PRMT3: variants seen among roughly 807,000 people sequenced by gnomAD.
The protein encoded by PRMT3 is protein arginine N-methyltransferase 3.
A neutral mutation model predicts 71.9 loss-of-function variants in PRMT3; 62 were observed. The observed-to-expected ratio is 0.86, with a 90% CI of 0.70 to 1.07. The LOEUF is 1.07. PRMT3 is among the 50% of genes least tolerant of loss of function. PRMT3 has a pLI of 0.00. For synonymous variants in PRMT3, 213 were observed against 220.4 expected (o/e 0.97, Z 0.30); for missense variants, 663 against 643.0 (o/e 1.03, Z -0.34).
intron 13 of PRMT3, among the ~76,000 whole-genome samples, chr11:20,477,050 C>G (rs985424238): frequency 6.6e-6 from 1 of 152,108 alleles, no homozygotes; most frequent in Non-Finnish European, 1.5e-5. Flanking sequence ...AAGATCAAGC[C>G]CTTCCCTGTG....
chr11:20,464,531 G>A lies in PRMT3; in HGVS notation c.1332G>A (p.Arg444=). 6.2e-7 allele frequency: 1 copy of A among 1,612,030 alleles called. No homozygotes were observed. Among genetic ancestry groups the A allele is most frequent in the Non-Finnish European group, 8.5e-7 (1 of 1,179,118 alleles). ...CAGATTTTACCCTGAAAATCACAAGGACATCCATGTGCACGGTAAGCTATT... is the reference window on the plus strand; with the variant it reads ...CAGATTTTACCCTGAAAATCACAAGAACATCCATGTGCACGGTAAGCTATT... ...FSSDFTLKIT[R]TSMCTAIAGY... is the part of the protein sequence containing the mutation. Residue 444 remains arginine, a synonymous_variant, in exon 13 of 16, where the codon AGG becomes AGA. Transcript: ENST00000331079.
At chr11:20,439,707 A>G (rs531315431) in intron 10 of PRMT3, among the ~76,000 whole-genome samples, 32 of 152,346 alleles carry the variant, frequency 2.1e-4, no homozygotes, top group Admixed American at 3.3e-4. Context: ...AAAGATGTCA[A>G]TTCTCTTCAT....
At chr11:20,492,094 T>C (rs887509126) in intron 13 of PRMT3, among the ~76,000 whole-genome samples, 3 of 152,188 alleles carry the variant, frequency 2.0e-5, no homozygotes, top group Non-Finnish European at 4.4e-5. Flanking sequence ...ACATATGCCT[T>C]GCTCTTAAAT....
chr11:20,497,174 T>A (rs1237168009), intron 15 of PRMT3, among the ~76,000 whole-genome samples: 1 of 143,904 alleles, frequency 6.9e-6, no homozygotes, highest in African/African-American at 2.6e-5. Context: ...AATTTTCTCC[T>A]ACTTCATTAC....
intron 10 of PRMT3, among the ~76,000 whole-genome samples, chr11:20,434,300 A>C (rs1202781439): frequency 6.6e-6 from 1 of 152,176 alleles, no homozygotes; most frequent in Non-Finnish European, 1.5e-5. Context: ...CATAGTTTGC[A>C]AATATTTTCT....
At chr11:20,435,845 T>C (rs1403684214) in intron 10 of PRMT3, among the ~76,000 whole-genome samples, 2 of 152,204 alleles carry the variant, frequency 1.3e-5, no homozygotes, top group South Asian at 2.1e-4. Flanking sequence ...AGTTTTAGGG[T>C]TGTTTATTTC....
At chr11:20,491,958 T>C (rs939632052) in intron 13 of PRMT3, among the ~76,000 whole-genome samples, 6 of 152,172 alleles carry the variant, frequency 3.9e-5, no homozygotes, top group African/African-American at 1.2e-4. Flanking sequence ...TTTAATAAAG[T>C]ATACTGACTA....
chr11:20,401,336 A>G (rs905754332), intron 7 of PRMT3, among the ~76,000 whole-genome samples: 2 of 152,146 alleles, frequency 1.3e-5, no homozygotes, highest in African/African-American at 4.8e-5. Flanking sequence ...ATGAAACGGT[A>G]TGCTTTGAAA....
At chr11:20,452,289 G>T (rs1850168191) in intron 11 of PRMT3, 81 bp downstream of exon 11, 5 of 1,124,318 alleles carry the variant, frequency 4.4e-6, no homozygotes, top group South Asian at 3.9e-5. Context: ...AATAAACTAT[G>T]CATGGCTGAG....
intron 8 of PRMT3, chr11:20,405,693 C>G (rs978201258): frequency 2.0e-5 from 3 of 152,140 alleles, no homozygotes; most frequent in Non-Finnish European, 4.4e-5. Flanking sequence ...AAAACACATA[C>G]TCTTATTGGA....
chr11:20,444,620 A>G (rs942955711), intron 10 of PRMT3, among the ~76,000 whole-genome samples: 5 of 152,126 alleles, frequency 3.3e-5, no homozygotes, highest in African/African-American at 7.2e-5. Flanking sequence ...AACATGCTCT[A>G]TATGCTATCA....
At chr11:20,427,893 T>A (rs1849581945) in intron 10 of PRMT3, among the ~76,000 whole-genome samples, 1 of 152,190 alleles carries the variant, frequency 6.6e-6, no homozygotes, top group African/African-American at 2.4e-5. Context: ...CAAAAAATTT[T>A]GAAAACATTG....
In PRMT3 at chr11:20,478,980, C is replaced by CA. The variant is rs567254131; in HGVS notation, c.1347+14435dup. Among the ~76,000 whole-genome samples the CA allele has an allele frequency of 7.2e-5, 11 of 152,330 alleles. No homozygotes were observed. The East Asian group carries it at 2.1e-3, about 29-fold the overall frequency. On this transcript the variant is annotated intron_variant, in intron 13 of 15. Transcript: ENST00000331079. ...CTAATTATTAAAACAATTATTAAAA[C>CA]ACATCTGTGCTGCTTAGAAATAGTA... is the stretch of plus-strand genomic sequence containing the variant.
At chr11:20,449,081 A>G (rs572056326) in intron 10 of PRMT3, among the ~76,000 whole-genome samples, 7 of 152,308 alleles carry the variant, frequency 4.6e-5, no homozygotes, top group East Asian at 1.9e-4. Context: ...TAGGGAGCCT[A>G]TCGTAAAATG....
At chr11:20,478,550 C>CT (rs1384293939) in intron 13 of PRMT3, among the ~76,000 whole-genome samples, 8 of 147,918 alleles carry the variant, frequency 5.4e-5, no homozygotes, top group Non-Finnish European at 1.0e-4. Context: ...AAAAAAAAAA[C>CT]TACTTGATAA....
At chr11:20,409,654 A>AACACACACAC (rs60686099) in intron 9 of PRMT3, among the ~76,000 whole-genome samples, 14,681 of 144,174 alleles carry the variant, frequency 0.1, 825 homozygotes, top group Middle Eastern at 0.11. Context: ...GGAATACACA[A>AACACACACAC]ACACACACAC....
chr11:20,406,738 T>C (rs1849080098), intron 8 of PRMT3: 1 of 152,220 alleles, frequency 6.6e-6, no homozygotes, highest in Non-Finnish European at 1.5e-5. Context: ...TTTTTCACAG[T>C]GGGTGTACCA....
At chr11:20,489,162 C>T (rs572297013) in intron 13 of PRMT3, among the ~76,000 whole-genome samples, 65 of 151,708 alleles carry the variant, frequency 4.3e-4, no homozygotes, top group Non-Finnish European at 7.6e-4. Flanking sequence ...CTACTTACCA[C>T]TCATTCTCCC....
chr11:20,394,421 T>C (rs1848781158), intron 5 of PRMT3, among the ~76,000 whole-genome samples: 1 of 152,188 alleles, frequency 6.6e-6, no homozygotes, highest in Non-Finnish European at 1.5e-5. Context: ...TAGAATTCTT[T>C]ACACGCTGTC....
Sources: gnomAD v4.1 joint callset for allele counts (sites outside exome capture counted in the v4.1 genomes callset) on GRCh38, gnomAD v4.1.1 for gene constraint, MANE v1.5 for transcripts, NCBI Gene and HGNC (gene_info 2026-07-23, HGNC 2026-07-21) for gene names.